Variants in NEK5 observed in about 807,000 individuals in gnomAD.
The protein encoded by NEK5 is NIMA related kinase 5, also known as serine/threonine-protein kinase Nek5.
NEK5 carries 88 observed loss-of-function variants against 109.2 expected under a neutral mutation model. The observed-to-expected ratio is 0.81, with a 90% confidence interval of 0.68 to 0.96. The LOEUF (loss-of-function observed/expected upper bound fraction) is 0.96. NEK5 is among the 40% of genes least tolerant of loss of function. The pLI is 0.00. For synonymous variants in NEK5, 283 were observed against 299.9 expected, an observed-to-expected ratio of 0.94 and a Z score of 0.58; for missense variants, 834 against 920.7, an observed-to-expected ratio of 0.91 and a Z score of 1.22.
rs1462144277 is a variant in NEK5 at position 52,098,948 on chromosome 13, T to C, written c.1026+795A>G. On this transcript the variant is annotated intron_variant, in intron 12 of 23. Coordinates refer to ENST00000684899, the MANE Select transcript of NEK5 (RefSeq NM_001365552.1). The stretch of plus-strand genomic sequence containing the variant: ...CAGATAGGTCTGTCAGAATATACCA[T>C]AGCTTAATGGGTTAAAAAAACAAAA... Among the ~76,000 whole-genome samples, 4 of 152,126 alleles carry C rather than the reference T, an allele frequency of 2.6e-5. 1 individual carries two copies. Among genetic ancestry groups the C allele is most frequent in the African/African-American group, 7.2e-5 (3 of 41,436 alleles).
chr13:52,076,279 T>A, intron 17 of NEK5, 136 bp from the exon 18 acceptor site: 1 of 545,210 alleles, frequency 1.8e-6, no homozygotes, highest in Non-Finnish European at 3.2e-6. Context: ...ACTAAAAACT[T>A]GGGCAGAGTA....
At chr13:52,108,516 T>A in intron 7 of NEK5, 112 bp from the exon 8 acceptor site, 1 of 608,254 alleles carries the variant, frequency 1.6e-6, no homozygotes, top group South Asian at 2.4e-5. Context: ...CAAGATTTGA[T>A]GCATACATGT....
At chr13:52,049,381 G>A (rs373640070) in intron 23 of NEK5, among the ~76,000 whole-genome samples, 10 of 151,974 alleles carry the variant, frequency 6.6e-5, no homozygotes, top group African/African-American at 2.2e-4. Flanking sequence ...CTGTGATTGC[G>A]CCTCCACACT....
intron 9 of NEK5, among the ~76,000 whole-genome samples, chr13:52,103,528 T>C (rs1177031544): frequency 6.6e-6 from 1 of 152,230 alleles, no homozygotes; most frequent in African/African-American, 2.4e-5. Flanking sequence ...AAAGAGTTGA[T>C]GTAGCAAGCT....
At chr13:52,056,785 C>T (rs951280346) in intron 22 of NEK5, among the ~76,000 whole-genome samples, 17 of 151,692 alleles carry the variant, frequency 1.1e-4, no homozygotes, top group Admixed American at 3.9e-4. Context: ...ATCTCTGGGA[C>T]GCATTCAAAG....
In NEK5 at chr13:52,075,792, C is replaced by G; in HGVS notation, c.1688G>C (p.Cys563Ser). 1.3e-6 allele frequency: 2 copies of G among 1,485,422 alleles called. No individual in the cohort carries two copies. The highest frequency in any genetic ancestry group is 1.8e-6 in the Non-Finnish European group (2 of 1,087,232). 92.0% of individuals were successfully genotyped at this position (1,485,422 alleles called of 1,614,324 possible). The change falls in exon 19 of 24, where the codon TGT becomes TCT. Residue 563 changes from cysteine (C) to serine (S), a missense_variant. Physicochemically the swap from Cys to Ser is moderately radical, Grantham distance 112 (BLOSUM62 -1). Transcript: ENST00000684899. ...GVKFEINLDK[C>S]ISDENILQEE... ...TTGGAGGATGTTTTCATCAGAAATA[C>G]ATTTGTCTAAATTAATTTCAAATTT...
intron 17 of NEK5, among the ~76,000 whole-genome samples, chr13:52,082,947 G>A (rs770758481): frequency 6.6e-6 from 1 of 152,132 alleles, no homozygotes; most frequent in Non-Finnish European, 1.5e-5. Context: ...AAGAGATAAA[G>A]ACCATCCTGG....
chr13:52,056,494 A>AT (rs1954556114), intron 22 of NEK5, among the ~76,000 whole-genome samples: 1 of 148,000 alleles, frequency 6.8e-6, no homozygotes, highest in African/African-American at 2.5e-5. Flanking sequence ...CAGAATATAC[A>AT]TTTTTTTCAG....
chr13:52,122,723 C>T (rs188599524), intron 3 of NEK5, among the ~76,000 whole-genome samples: 17 of 151,956 alleles, frequency 1.1e-4, no homozygotes, highest in African/African-American at 3.1e-4. Flanking sequence ...GCAGAGATCA[C>T]GCCACTGCAC....
chr13:52,084,027 C>T (rs1045353076), intron 16 of NEK5, among the ~76,000 whole-genome samples: 2 of 152,160 alleles, frequency 1.3e-5, no homozygotes, highest in Non-Finnish European at 2.9e-5. Context: ...AATGCCCACT[C>T]TCCTCCTTTA....
At position 52,104,659 on chromosome 13, in the gene NEK5, G is replaced by A. The variant is rs1220770505; in HGVS notation, c.555-107C>T. 3.7e-5 allele frequency: 28 copies of A among 764,850 alleles called. 1 individual carries two copies. In the East Asian group the frequency reaches 3.7e-4, roughly 10 times the overall value. 47.4% of individuals were successfully genotyped at this position (764,850 alleles called of 1,614,324 possible). On this transcript the variant is annotated intron_variant, in intron 8 of 23. Transcript: ENST00000684899. ...TGTGTCGCTTTACAATTTTATGTAA[G>A]TTGATCAGCTTTTACAAATGCTTTC...
chr13:52,128,639 G>C (rs903077119), intron 1 of NEK5, among the ~76,000 whole-genome samples: 1 of 152,132 alleles, frequency 6.6e-6, no homozygotes, highest in Non-Finnish European at 1.5e-5. Flanking sequence ...TGCAGACACC[G>C]GAGGATCGGG....
chr13:52,069,034 C>T (rs2408550), intron 20 of NEK5, among the ~76,000 whole-genome samples: 62,877 of 151,230 alleles, frequency 0.42, 14,979 homozygotes, highest in Non-Finnish European at 0.54. Flanking sequence ...AACAAACATA[C>T]GGAAAAATCC....
intron 23 of NEK5, among the ~76,000 whole-genome samples, chr13:52,043,997 AGTCAGTGGGC>A (rs1250436528): frequency 3.3e-5 from 5 of 152,206 alleles, no homozygotes; most frequent in African/African-American, 1.2e-4. Context: ...TTAACATTTG[AGTCAGTGGGC>A]TGGGAAAGGC....
chr13:52,068,330 T>G (rs551946997), intron 20 of NEK5, among the ~76,000 whole-genome samples: 2 of 152,306 alleles, frequency 1.3e-5, no homozygotes, highest in African/African-American at 4.8e-5. Flanking sequence ...GGAAAAAATA[T>G]TTCCAATATA....
chr13:52,069,703 C>T (rs974135613), intron 20 of NEK5, among the ~76,000 whole-genome samples: 5 of 152,210 alleles, frequency 3.3e-5, no homozygotes, highest in African/African-American at 4.8e-5. Flanking sequence ...TTCTCTTCCT[C>T]AGTTCCCACA....
intron 17 of NEK5, among the ~76,000 whole-genome samples, chr13:52,081,122 C>G (rs1308698707): frequency 6.6e-6 from 1 of 152,024 alleles, no homozygotes; most frequent in Non-Finnish European, 1.5e-5. Context: ...AAATGGCAGT[C>G]GCCATTGATT....
In NEK5 at chr13:52,112,382, C is replaced by G. The variant is rs1258094908; in HGVS notation, c.215-17G>C. ...TGCCATTCTCTGTAAGAAAAGGAAT[C>G]ATTTGGTGCTGGAAGGATTTCAGAT... On this transcript the variant is annotated splice_polypyrimidine_tract_variant and intron_variant, in intron 4 of 23. Transcript: ENST00000684899. The G allele has an allele frequency of 6.0e-6, 9 of 1,491,694 alleles. No homozygotes were observed. Among genetic ancestry groups the G allele is most frequent in the Non-Finnish European group, 8.4e-6 (9 of 1,069,246 alleles). 92.4% of individuals were successfully genotyped at this position (1,491,694 alleles called of 1,614,324 possible). A position where few individuals can be genotyped will look rare whatever the true frequency, so the allele number is the denominator to read the frequency against.
intron 12 of NEK5, among the ~76,000 whole-genome samples, chr13:52,097,832 G>C (rs529077786): frequency 1.3e-5 from 2 of 152,136 alleles, no homozygotes; most frequent in African/African-American, 4.8e-5. Context: ...ATATGGTTTG[G>C]ATTTGTGTCC....
Sources: allele counts gnomAD v4.1 joint callset (sites outside exome capture counted in the v4.1 genomes callset), GRCh38; gene constraint gnomAD v4.1.1; transcripts MANE v1.5; gene names NCBI Gene and HGNC (gene_info 2026-07-23, HGNC 2026-07-21).